CFH: variants seen among roughly 807,000 people sequenced by gnomAD.
CFH encodes the protein complement factor H.
Under a neutral mutation model 147.3 loss-of-function variants are expected in CFH, and 53 were observed. The ratio of observed to expected loss-of-function variants is 0.36; its 90% confidence interval spans 0.29 to 0.45. CFH has a LOEUF of 0.45. Among genes scored for constraint, CFH ranks in the 20% least tolerant of loss-of-function variants. The pLI, the probability that CFH is intolerant of heterozygous loss-of-function variation, is 1.00. For synonymous variants in CFH, 536 were observed against 489.4 expected, an observed-to-expected ratio of 1.10 and a Z score of -1.26; for missense variants, 1,380 against 1,498.0, an observed-to-expected ratio of 0.92 and a Z score of 1.30.
intron 9 of CFH, among the ~76,000 whole-genome samples, chr1:196,708,747 A>G (rs1395095479): frequency 6.6e-6 from 1 of 152,092 alleles, no homozygotes; most frequent in Non-Finnish European, 1.5e-5. Flanking sequence ...CTGTATATTA[A>G]GGGCTCTCAC....
At chr1:196,675,346 T>A (rs766779261) in intron 3 of CFH, among the ~76,000 whole-genome samples, 60 of 152,118 alleles carry the variant, frequency 3.9e-4, no homozygotes, top group Non-Finnish European at 6.5e-4. Flanking sequence ...TCACTGGGTA[T>A]TCTCAGGAAA....
intron 1 of CFH, among the ~76,000 whole-genome samples, chr1:196,659,430 G>T (rs1198904585): frequency 6.6e-6 from 1 of 152,104 alleles, no homozygotes; most frequent in Non-Finnish European, 1.5e-5. Context: ...AGAATTCAAG[G>T]GTGAGCCTGT....
At position 196,737,003 on chromosome 1, in the gene CFH, G is replaced by T. The variant is rs757835019; in HGVS notation, c.2593G>T (p.Val865Phe). The change falls in exon 16 of 22, where the codon GTT becomes TTT. Residue 865 changes from valine (V) to phenylalanine (F), a missense_variant. Coordinates refer to ENST00000367429, the MANE Select transcript of CFH (RefSeq NM_000186.4). ...AAGATGGCAGTCAATACCACTCTGT[G>T]TTGGTCAGTAGTGTATAATTTGTTT... ...DGRWQSIPLCVEKIPCSQPPQ... is the reference protein window; with the variant it reads ...DGRWQSIPLCFEKIPCSQPPQ... 6.2e-7 allele frequency: 1 copy of T among 1,608,360 alleles called. No homozygotes were observed. The highest frequency in any genetic ancestry group is 2.2e-5 in the East Asian group (1 of 44,526).
chr1:196,680,645 G>A (rs1667617092), intron 6 of CFH, among the ~76,000 whole-genome samples: 1 of 151,774 alleles, frequency 6.6e-6, no homozygotes, highest in Non-Finnish European at 1.5e-5. Context: ...AGTGAAACAA[G>A]GAACAGTGTT....
intron 9 of CFH, chr1:196,700,731 C>T (rs1573041937): frequency 8.4e-6 from 5 of 592,944 alleles, no homozygotes; most frequent in Non-Finnish European, 1.1e-5. Flanking sequence ...CAGTCCAGTG[C>T]CCCCATGCCA....
chr1:196,698,281 C>A (rs974415724), intron 9 of CFH, among the ~76,000 whole-genome samples: 2 of 151,976 alleles, frequency 1.3e-5, no homozygotes, highest in African/African-American at 2.4e-5. Context: ...AATCAATGCA[C>A]CCAGGAGCTG....
chr1:196,683,492 A>G (rs33982697), intron 6 of CFH, among the ~76,000 whole-genome samples: 29,441 of 151,450 alleles, frequency 0.19, 3,633 homozygotes, highest in African/African-American at 0.34. Context: ...TATTTTAAGG[A>G]TTTTGGTTTT....
intron 7 of CFH, among the ~76,000 whole-genome samples, chr1:196,687,079 T>A (rs1305928623): frequency 6.6e-6 from 1 of 152,076 alleles, no homozygotes; most frequent in East Asian, 1.9e-4. Context: ...AAGCTGAATC[T>A]AATAAGATGA....
chr1:196,713,173 T>C (rs1001037241), intron 9 of CFH, among the ~76,000 whole-genome samples: 3 of 152,150 alleles, frequency 2.0e-5, no homozygotes, highest in African/African-American at 7.2e-5. Flanking sequence ...TGAGGAATCA[T>C]CATTTTGGCC....
chr1:196,746,096 A>G, intron 21 of CFH, 97 bp downstream of exon 21: 2 of 1,591,452 alleles, frequency 1.3e-6, no homozygotes, highest in Non-Finnish European at 1.7e-6. Context: ...TTGAACAACC[A>G]TTCTGCTGAA....
intron 20 of CFH, among the ~76,000 whole-genome samples, chr1:196,744,073 A>G (rs1165314847): frequency 1.3e-5 from 2 of 152,180 alleles, no homozygotes; most frequent in African/African-American, 2.4e-5. Flanking sequence ...GTCCGAGCAC[A>G]TAGTCCTGGG....
At chr1:196,744,358 GTTTA>G (rs1214542853) in intron 20 of CFH, among the ~76,000 whole-genome samples, 1 of 151,876 alleles carries the variant, frequency 6.6e-6, no homozygotes, top group Non-Finnish European at 1.5e-5. Flanking sequence ...AATCTCTGTC[GTTTA>G]TTTGTTTCTG....
chr1:196,713,460 C>G (rs1001086037), intron 9 of CFH, among the ~76,000 whole-genome samples: 6 of 152,022 alleles, frequency 3.9e-5, no homozygotes, highest in Non-Finnish European at 7.4e-5. Context: ...TGTAGAATTC[C>G]AAATCCATTA....
Position 196,737,766 on chromosome 1 carries a change from T to C in CFH, c.2782+106T>C. On this transcript the variant is annotated intron_variant, in intron 17 of 21. Transcript: ENST00000367429. ...AATTGAGATTACTGCATATATAAAA[T>C]AATTTATATATTATACCATTAAAAT... 3.9e-6 allele frequency: 3 copies of C among 776,674 alleles called. No individual in the cohort carries two copies. The South Asian group carries it at 5.4e-5, about 14-fold the overall frequency. 48.1% of individuals were successfully genotyped at this position (776,674 alleles called of 1,614,324 possible).
chr1:196,716,059 T>C (rs1487892615), intron 11 of CFH, among the ~76,000 whole-genome samples: 2 of 152,160 alleles, frequency 1.3e-5, no homozygotes, highest in Non-Finnish European at 2.9e-5. Context: ...CTAGCACTTA[T>C]TACCAAAATT....
chr1:196,669,400 C>T (rs1667201501), intron 1 of CFH, among the ~76,000 whole-genome samples: 1 of 152,150 alleles, frequency 6.6e-6, no homozygotes, highest in Non-Finnish European at 1.5e-5. Context: ...ATCTTTAAGG[C>T]AGCCTCTCCC....
chr1:196,679,122 T>C (rs1667558827), intron 5 of CFH: 1 of 152,792 alleles, frequency 6.5e-6, no homozygotes, highest in South Asian at 2.0e-4. Context: ...ATAAAAGGTA[T>C]AAAAGATGAT....
intron 1 of CFH, among the ~76,000 whole-genome samples, chr1:196,652,628 C>T (rs1666541350): frequency 6.6e-6 from 1 of 151,694 alleles, no homozygotes; most frequent in African/African-American, 2.4e-5. Context: ...ATTCATTTAT[C>T]ATTTACAACT....
At chr1:196,738,088 T>G (rs1652650746) in intron 17 of CFH, among the ~76,000 whole-genome samples, 1 of 152,124 alleles carries the variant, frequency 6.6e-6, no homozygotes, top group South Asian at 2.1e-4. Context: ...GAAAAGGCCC[T>G]TATAAAACCA....
Sources: allele counts gnomAD v4.1 joint callset (sites outside exome capture counted in the v4.1 genomes callset), GRCh38; gene constraint gnomAD v4.1.1; transcripts MANE v1.5; gene names NCBI Gene and HGNC (gene_info 2026-07-23, HGNC 2026-07-21).